The following DNAJC5 variants were observed in gnomAD, a reference collection of about 807,000 sequenced individuals.
DNAJC5 encodes DnaJ heat shock protein family (Hsp40) member C5.
In DNAJC5, 1 loss-of-function variant was observed where a neutral mutation model predicts 23.2. That is an observed-to-expected ratio of 0.04 (90% confidence interval 0.02 to 0.20). The LOEUF is 0.20. DNAJC5 is among the 10% of genes least tolerant of loss of function. The probability of loss-of-function intolerance (pLI) is 1.00; values close to 1 mark genes in which losing one functional copy is unlikely to be tolerated. For synonymous variants in DNAJC5, 136 were observed against 120.0 expected (o/e 1.13, Z -0.87); for missense variants, 180 against 267.0 (o/e 0.67, Z 2.27).
intron 1 of DNAJC5, among the ~76,000 whole-genome samples, chr20:63,917,013 G>C (rs532981811): frequency 3.3e-5 from 5 of 152,270 alleles, no homozygotes. Flanking sequence ...ACGTTTTACA[G>C]TTTGTACAGT....
rs1318574916 is a variant in DNAJC5, at chr20:63,931,488, A to G, written c.517A>G (p.Ile173Val). ...AGAGGCCACAGACACGCCGATCGTC[A>G]TACAGCCGGCATCCGCCACCGAGAC... ...EREATDTPIV[I>V]QPASATETTQ... The change falls in exon 5 of 5, where the codon ATA becomes GTA. Residue 173 changes from isoleucine (I) to valine (V), a missense_variant. Physicochemically the swap from Ile to Val is conservative, Grantham distance 29. This residue lies in a region of DNAJC5 where 97 missense variants were observed against 123.4 expected (regional missense o/e 0.79). Transcript: ENST00000360864. This position sits in a 1 kb window ranked among gnomAD's most constrained non-coding sequence, Gnocchi z 9.6. 1 of 1,570,004 alleles carries G rather than the reference A, an allele frequency of 6.4e-7. No individual in the cohort carries two copies. The highest frequency in any genetic ancestry group is 1.4e-5 in the African/African-American group (1 of 72,574).
Position 63,931,518 on chromosome 20 carries a change from C to A in DNAJC5, c.547C>A (p.Gln183Lys). 6.3e-7 allele frequency: 1 copy of A among 1,583,978 alleles called. No homozygotes were observed. The highest frequency in any genetic ancestry group is 2.3e-5 in the East Asian group (1 of 43,350). The change falls in exon 5 of 5, where the codon CAG becomes AAG. Residue 183 changes from glutamine to lysine, a missense_variant. Transcript: ENST00000360864. This position sits in a 1 kb window ranked among gnomAD's most constrained non-coding sequence, Gnocchi z 9.6. Reference sequence around the variant, plus strand: ...GCCGGCATCCGCCACCGAGACCACCCAGCTCACAGCCGACTCCCACCCCAG... The same window carrying A: ...GCCGGCATCCGCCACCGAGACCACCAAGCTCACAGCCGACTCCCACCCCAG... ...IQPASATETT[Q>K]LTADSHPSYH...
intron 1 of DNAJC5, among the ~76,000 whole-genome samples, chr20:63,909,606 G>C (rs2053469759): frequency 6.6e-6 from 1 of 152,208 alleles, no homozygotes; most frequent in Non-Finnish European, 1.5e-5. Context: ...ACTTGAGCCT[G>C]GGAGGCAGAG....
At position 63,935,145 on chromosome 20, in the gene DNAJC5, T is replaced by C. The variant is rs2053707543; in HGVS notation, c.*3577T>C. ...TTTTTACTGTCCTTACCAGCAACAG[T>C]TTGCGTCGTCACATGCTGTGAGTGT... On this transcript the variant is annotated 3_prime_UTR_variant, in exon 5 of 5. Transcript: ENST00000360864. 6.6e-6 allele frequency: 1 copy of C among 152,294 alleles called. No individual in the cohort carries two copies. Among genetic ancestry groups the C allele is most frequent in the Admixed American group, 6.5e-5 (1 of 15,284 alleles). The allele number at this position is 152,294 out of a possible 1,614,324, so 9.4% of individuals were successfully genotyped here. A position where few individuals can be genotyped will look rare whatever the true frequency, so the allele number is the denominator to read the frequency against.
chr20:63,900,491 C>A (rs2053404546), intron 1 of DNAJC5, among the ~76,000 whole-genome samples: 1 of 149,748 alleles, frequency 6.7e-6, no homozygotes, highest in Non-Finnish European at 1.5e-5. Flanking sequence ...GTGGTAGGAT[C>A]ACCTGAGCCT....
At chr20:63,904,075 CA>C (rs1448688087) in intron 1 of DNAJC5, among the ~76,000 whole-genome samples, 2 of 152,070 alleles carry the variant, frequency 1.3e-5, no homozygotes, top group Non-Finnish European at 2.9e-5. Context: ...GTCCAAATAG[CA>C]AAACACTCTG....
chr20:63,926,223 C>T (rs972855576), intron 1 of DNAJC5, among the ~76,000 whole-genome samples: 1 of 152,198 alleles, frequency 6.6e-6, no homozygotes, highest in Non-Finnish European at 1.5e-5. Context: ...TTGTAATTTT[C>T]AAGATATTTG....
At chr20:63,895,419 G>C (rs1459615816) in intron 1 of DNAJC5, 96 bp downstream of exon 1, 2 of 147,152 alleles carry the variant, frequency 1.4e-5, no homozygotes, top group Non-Finnish European at 3.0e-5. Flanking sequence ...CGGCACTCCA[G>C]AGCCGGAAAT....
At chr20:63,918,132 T>A (rs907759682) in intron 1 of DNAJC5, among the ~76,000 whole-genome samples, 1 of 152,250 alleles carries the variant, frequency 6.6e-6, no homozygotes, top group Non-Finnish European at 1.5e-5. Flanking sequence ...AGTTGTGGTC[T>A]ATTCACAGAA....
intron 1 of DNAJC5, among the ~76,000 whole-genome samples, chr20:63,911,963 C>T (rs1223369888): frequency 6.6e-6 from 1 of 152,084 alleles, no homozygotes; most frequent in African/African-American, 2.4e-5. Flanking sequence ...CAGGCATGAA[C>T]TGCCATGGCC....
At chr20:63,909,944 C>T (rs1443078517) in intron 1 of DNAJC5, among the ~76,000 whole-genome samples, 1 of 152,190 alleles carries the variant, frequency 6.6e-6, no homozygotes, top group Non-Finnish European at 1.5e-5. Flanking sequence ...ATGAAGAACA[C>T]TTGTCTTTCA....
rs911176119 is a variant in DNAJC5, at chr20:63,931,901, T to G, written c.*333T>G. 7 of 394,174 alleles carry G rather than the reference T, an allele frequency of 1.8e-5. No individual in the cohort carries two copies. The highest frequency in any genetic ancestry group is 1.4e-4 in the African/African-American group (7 of 48,388). 24.4% of individuals were successfully genotyped at this position (394,174 alleles called of 1,614,324 possible). On this transcript the variant is annotated 3_prime_UTR_variant, in exon 5 of 5. Transcript: ENST00000360864. The surrounding 1 kb of genome is among the most constrained non-coding windows in gnomAD (Gnocchi z 9.6). Reference sequence around the variant, plus strand: ...GCCTCAGGGCTGTCGGTCAGGTTGGTCCAGTGAGGGGTGACTGCAGCCGGT... The same window carrying G: ...GCCTCAGGGCTGTCGGTCAGGTTGGGCCAGTGAGGGGTGACTGCAGCCGGT...
rs547545081 is a variant in DNAJC5 at position 63,928,922 on chromosome 20, G to A, written c.108-390G>A. 1.3e-5 allele frequency among the ~76,000 whole-genome samples: 2 copies of A among 152,296 alleles called. No individual in the cohort carries two copies. The highest frequency in any genetic ancestry group is 4.8e-5 in the African/African-American group (2 of 41,564). On this transcript the variant is annotated intron_variant, in intron 2 of 4. Transcript: ENST00000360864. The surrounding 1 kb of genome is among the most constrained non-coding windows in gnomAD (Gnocchi z 4.6). ...AGACAATTCAGATAGTCCTCCTCTC[G>A]TGTGCTAGCATCGTGTAGTTCATAA...
At position 63,920,879 on chromosome 20, in the gene DNAJC5, G is replaced by C. The variant is rs2053565448; in HGVS notation, c.-11-7456G>C. Among the ~76,000 whole-genome samples, 1 of 152,082 alleles carries C rather than the reference G, an allele frequency of 6.6e-6. No individual in the cohort carries two copies. Among genetic ancestry groups the C allele is most frequent in the Non-Finnish European group, 1.5e-5 (1 of 68,022 alleles). ...TTTAGTAGAGACAGGTTTTCTCCAT[G>C]TTGGTCAGGCTGGTCTCGAACTCCT... On this transcript the variant is annotated intron_variant, in intron 1 of 4. Transcript: ENST00000360864. This position sits in a 1 kb window ranked among gnomAD's most constrained non-coding sequence, Gnocchi z 4.6.
intron 1 of DNAJC5, among the ~76,000 whole-genome samples, chr20:63,902,055 C>CT (rs554884335): frequency 5.1e-4 from 74 of 145,734 alleles, no homozygotes; most frequent in East Asian, 9.9e-4. Context: ...AATAATAATG[C>CT]TTTTTTTTTT....
At chr20:63,917,059 C>T (rs2053519762) in intron 1 of DNAJC5, among the ~76,000 whole-genome samples, 1 of 152,072 alleles carries the variant, frequency 6.6e-6, no homozygotes, top group Non-Finnish European at 1.5e-5. Context: ...TGATGTACAT[C>T]CTCAGTTTAT....
intron 1 of DNAJC5, among the ~76,000 whole-genome samples, chr20:63,918,049 T>A (rs1250200996): frequency 6.6e-6 from 1 of 152,200 alleles, no homozygotes; most frequent in Admixed American, 6.6e-5. Context: ...TGCTCAGGAA[T>A]GTTCCAAGCA....
Position 63,902,587 on chromosome 20 carries a change from C to T in DNAJC5, c.-12+7264C>T, listed in dbSNP as rs146370419. Among the ~76,000 whole-genome samples, 556 of 150,434 alleles carry T rather than the reference C, an allele frequency of 3.7e-3. 17 individuals carry two copies. The highest frequency in any genetic ancestry group is 0.035 in the Admixed American group (522 of 15,060). ...TTCTCCATGTTGGTCAGGCTGGTCT[C>T]GACCTCCCAACCTCAGGTGATCCAC... On this transcript the variant is annotated intron_variant, in intron 1 of 4. Coordinates refer to ENST00000360864, the MANE Select transcript of DNAJC5 (RefSeq NM_025219.3).
chr20:63,907,410 G>A (rs1439905471), intron 1 of DNAJC5, among the ~76,000 whole-genome samples: 2 of 152,168 alleles, frequency 1.3e-5, no homozygotes, highest in East Asian at 1.9e-4. Flanking sequence ...GGGTCTGACC[G>A]CTTTATTCAA....
Sources: gnomAD v4.1 joint callset for allele counts (sites outside exome capture counted in the v4.1 genomes callset) on GRCh38, gnomAD v4.1.1 for gene constraint, gnomAD v4.1.1 regional missense constraint, Gnocchi (gnomAD v3.1) non-coding constraint, MANE v1.5 for transcripts, NCBI Gene and HGNC (gene_info 2026-07-23, HGNC 2026-07-21) for gene names.